Variants in RALY observed in about 807,000 individuals in gnomAD.
RALY encodes the protein RNA-binding protein Raly.
A neutral mutation model predicts 30.7 loss-of-function variants in RALY; 15 were observed. The observed-to-expected ratio is 0.49, with a 90% CI of 0.33 to 0.75. The LOEUF (loss-of-function observed/expected upper bound fraction) is 0.75, where lower values mean the gene tolerates loss of function less well. Among genes scored for constraint, RALY ranks in the 30% least tolerant of loss-of-function variants. The probability of loss-of-function intolerance (pLI) is 0.02; values close to 1 mark genes in which losing one functional copy is unlikely to be tolerated. For missense variants in RALY, 339 were observed against 414.3 expected (o/e 0.82, Z 1.58); for synonymous variants, 177 against 170.8 (o/e 1.04, Z -0.28).
chr20:34,076,957 C>T, intron 7 of RALY, 71 bp from the exon 8 acceptor site: 1 of 1,607,354 alleles, frequency 6.2e-7, no homozygotes, highest in Non-Finnish European at 8.5e-7. Flanking sequence ...CCAGCTTCCG[C>T]TAAGGTGCTG....
chr20:34,000,079 G>A (rs1472421054), intron 1 of RALY, among the ~76,000 whole-genome samples: 1 of 152,050 alleles, frequency 6.6e-6, no homozygotes, highest in African/African-American at 2.4e-5. Context: ...ATTCAATTTT[G>A]GCTTCATGTC....
chr20:34,021,720 G>A (rs890905536), intron 1 of RALY, among the ~76,000 whole-genome samples: 13 of 152,082 alleles, frequency 8.5e-5, no homozygotes, highest in African/African-American at 1.9e-4. Flanking sequence ...TATTAGCTGC[G>A]TGACCTTGGG....
At chr20:34,048,700 CA>C (rs34067684) in intron 2 of RALY, among the ~76,000 whole-genome samples, 3 of 151,118 alleles carry the variant, frequency 2.0e-5, no homozygotes, top group Non-Finnish European at 4.4e-5. Context: ...ACTAAAAATA[CA>C]AAAAATTAGC....
intron 2 of RALY, among the ~76,000 whole-genome samples, chr20:34,070,425 C>G (rs1454652328): frequency 6.6e-6 from 1 of 152,126 alleles, no homozygotes; most frequent in Non-Finnish European, 1.5e-5. Context: ...TTGTACAGCC[C>G]TTTGGGGTAA....
intron 2 of RALY, among the ~76,000 whole-genome samples, chr20:34,068,297 A>C (rs538870824): frequency 6.6e-6 from 1 of 152,212 alleles, no homozygotes; most frequent in Non-Finnish European, 1.5e-5. Context: ...ATGGATGTCA[A>C]TATTTTCTAG....
At position 34,082,438 on chromosome 20, in the gene RALY, TGAGGAA is replaced by T. The variant is rs1472548285; in HGVS notation, c.*2534_*2539del. 6.6e-6 allele frequency: 1 copy of T among 152,250 alleles called. No homozygotes were observed. Among genetic ancestry groups the T allele is most frequent in the Admixed American group, 6.5e-5 (1 of 15,286 alleles). 9.4% of individuals were successfully genotyped at this position (152,250 alleles called of 1,614,324 possible). ...CAGGTCCTACCCAAGCATGCTTTAC[TGAGGAA>T]CTCAACGTTTCAGAGCTTGAGGGTC... On this transcript the variant is annotated 3_prime_UTR_variant, in exon 10 of 10. Coordinates refer to ENST00000246194, the MANE Select transcript of RALY (RefSeq NM_016732.3).
chr20:34,022,441 C>CT (rs1208900927), intron 1 of RALY, among the ~76,000 whole-genome samples: 1 of 152,102 alleles, frequency 6.6e-6, no homozygotes, highest in Non-Finnish European at 1.5e-5. Flanking sequence ...CACCCTATAC[C>CT]TTTCCCCTCC....
intron 1 of RALY, among the ~76,000 whole-genome samples, chr20:34,003,672 C>T (rs1258065687): frequency 7.3e-6 from 1 of 137,026 alleles, no homozygotes; most frequent in East Asian, 2.1e-4. Flanking sequence ...CGGAGTCTCG[C>T]TCTGTCGCCC....
In RALY at chr20:34,082,506, G is replaced by A. The variant is rs2034045548; in HGVS notation, c.*2601G>A. 2 of 152,258 alleles carry A rather than the reference G, an allele frequency of 1.3e-5. No individual in the cohort carries two copies. Among genetic ancestry groups the A allele is most frequent in the Admixed American group, 6.5e-5 (1 of 15,286 alleles). The allele number at this position is 152,258 out of a possible 1,614,324, so 9.4% of individuals were successfully genotyped here. On this transcript the variant is annotated 3_prime_UTR_variant, in exon 10 of 10. Transcript: ENST00000246194. ...GGGCTTGTGACCATAGGCTTCCTTAGTATGCCAGGCTTGGAGAACCGTGAG... is the reference window on the plus strand; with the variant it reads ...GGGCTTGTGACCATAGGCTTCCTTAATATGCCAGGCTTGGAGAACCGTGAG...
At chr20:34,078,611 G>A (rs2033960892) in intron 9 of RALY, 58 bp downstream of exon 9, 3 of 1,450,462 alleles carry the variant, frequency 2.1e-6, no homozygotes, top group Middle Eastern at 1.8e-4. Flanking sequence ...TGGAGGTTGT[G>A]CCTTTTCCCT....
At chr20:34,021,389 G>T (rs551470893) in intron 1 of RALY, among the ~76,000 whole-genome samples, 2 of 152,144 alleles carry the variant, frequency 1.3e-5, no homozygotes, top group Non-Finnish European at 2.9e-5. Context: ...TCAAGGGGCC[G>T]CCCGCATCTG....
At chr20:34,040,404 G>T (rs1160210100) in intron 2 of RALY, among the ~76,000 whole-genome samples, 3 of 152,108 alleles carry the variant, frequency 2.0e-5, no homozygotes, top group Admixed American at 6.6e-5. Flanking sequence ...AACACAGCCC[G>T]TACTTGTTTT....
chr20:34,066,415 G>A (rs887418350), intron 2 of RALY, among the ~76,000 whole-genome samples: 2 of 152,204 alleles, frequency 1.3e-5, no homozygotes, highest in African/African-American at 4.8e-5. Flanking sequence ...GGAAGCGGAG[G>A]TTGCAGTGAG....
intron 8 of RALY, chr20:34,077,478 G>A (rs1282955113): frequency 2.5e-6 from 2 of 814,830 alleles, no homozygotes; most frequent in Admixed American, 3.0e-5. Context: ...CCCAAATGCG[G>A]GCACATTCTG....
At chr20:34,070,394 C>T (rs1312159432) in intron 2 of RALY, among the ~76,000 whole-genome samples, 2 of 152,010 alleles carry the variant, frequency 1.3e-5, no homozygotes, top group South Asian at 2.1e-4. Flanking sequence ...TATGCCCAGC[C>T]GTAAACTGTA....
At chr20:34,050,745 C>A (rs6120503) in intron 2 of RALY, among the ~76,000 whole-genome samples, 2,792 of 152,296 alleles carry the variant, frequency 0.018, 79 homozygotes, top group African/African-American at 0.065. Context: ...GATCTGCTGT[C>A]CAAATGACCC....
chr20:34,044,334 T>C (rs2032802516), intron 2 of RALY, among the ~76,000 whole-genome samples: 1 of 152,156 alleles, frequency 6.6e-6, no homozygotes, highest in Non-Finnish European at 1.5e-5. Flanking sequence ...TTACTTTTTT[T>C]TTTTTTCCGA....
chr20:34,059,106 C>A (rs892003195), intron 2 of RALY, among the ~76,000 whole-genome samples: 14 of 152,124 alleles, frequency 9.2e-5, no homozygotes, highest in Middle Eastern at 3.4e-3. Flanking sequence ...TGGATCAGCA[C>A]CCTGGAGAGA....
chr20:34,061,685 A>G (rs1407090202), intron 2 of RALY, among the ~76,000 whole-genome samples: 1 of 152,230 alleles, frequency 6.6e-6, no homozygotes, highest in East Asian at 1.9e-4. Flanking sequence ...TATTTTGAGT[A>G]CTTAAGATTG....
Sources: allele counts gnomAD v4.1 joint callset (sites outside exome capture counted in the v4.1 genomes callset), GRCh38; gene constraint gnomAD v4.1.1; transcripts MANE v1.5; gene names NCBI Gene and HGNC (gene_info 2026-07-23, HGNC 2026-07-21).